The following ACSS3 variants were observed in gnomAD, a reference collection of about 807,000 sequenced individuals.
ACSS3 encodes acyl-CoA synthetase short chain family member 3, also known as acyl-CoA synthetase short-chain family member 3, mitochondrial.
ACSS3 carries 64 observed loss-of-function variants against 84.2 expected under a neutral mutation model. The observed-to-expected ratio is 0.76, with a 90% CI of 0.62 to 0.94. ACSS3 has a LOEUF of 0.94. Ranked by LOEUF, ACSS3 falls within the 40% of genes least tolerant of loss-of-function variation. The pLI, the probability that ACSS3 is intolerant of heterozygous loss-of-function variation, is 0.00. For synonymous variants in ACSS3, 317 were observed against 310.1 expected (o/e 1.02, Z -0.23); for missense variants, 815 against 867.6 (o/e 0.94, Z 0.76).
intron 7 of ACSS3, among the ~76,000 whole-genome samples, chr12:81,156,271 G>A (rs1301449059): frequency 6.6e-6 from 1 of 150,858 alleles, no homozygotes; most frequent in African/African-American, 2.4e-5. Context: ...GAAAAAGAAA[G>A]TACATCATAT....
chr12:81,215,006 T>C (rs2032850685), intron 9 of ACSS3, among the ~76,000 whole-genome samples: 1 of 152,206 alleles, frequency 6.6e-6, no homozygotes, highest in South Asian at 2.1e-4. Context: ...TTTAAGCACC[T>C]CACTCTACAA....
intron 5 of ACSS3, among the ~76,000 whole-genome samples, chr12:81,144,470 G>A (rs11612875): frequency 0.092 from 14,062 of 152,050 alleles, 720 homozygotes; most frequent in East Asian, 0.21. Flanking sequence ...TAATCTGCTC[G>A]ACATAATTCT....
intron 2 of ACSS3, 75 bp from the exon 3 acceptor site, chr12:81,134,741 A>G: frequency 7.5e-7 from 1 of 1,332,030 alleles, no homozygotes; most frequent in East Asian, 2.6e-5. Flanking sequence ...TCAGCTTCTA[A>G]TATTACTGCC....
At chr12:81,128,367 G>T (rs1172761843) in intron 2 of ACSS3, among the ~76,000 whole-genome samples, 1 of 152,108 alleles carries the variant, frequency 6.6e-6, no homozygotes, top group East Asian at 1.9e-4. Context: ...CTAATTTCTA[G>T]TGGGAAGAGT....
chr12:81,251,155 A>T (rs376399194), intron 13 of ACSS3, among the ~76,000 whole-genome samples: 1 of 152,156 alleles, frequency 6.6e-6, no homozygotes, highest in East Asian at 1.9e-4. Context: ...GAGTGATTCC[A>T]ATTATAACAT....
chr12:81,107,548 AT>A (rs1883162589), intron 1 of ACSS3, among the ~76,000 whole-genome samples: 1 of 115,966 alleles, frequency 8.6e-6, no homozygotes, highest in African/African-American at 3.6e-5. Context: ...ATATATATAT[AT>A]ATATATATAT....
intron 1 of ACSS3, among the ~76,000 whole-genome samples, chr12:81,095,565 G>C (rs1428758431): frequency 2.0e-5 from 3 of 152,046 alleles, no homozygotes; most frequent in Non-Finnish European, 4.4e-5. Flanking sequence ...TTACTGTCAG[G>C]CATGACTCAC....
intron 5 of ACSS3, among the ~76,000 whole-genome samples, chr12:81,146,020 C>A (rs1886323113): frequency 6.6e-6 from 1 of 152,120 alleles, no homozygotes; most frequent in Admixed American, 6.5e-5. Context: ...TACCAACAGA[C>A]CTTCATGGCA....
intron 3 of ACSS3, among the ~76,000 whole-genome samples, chr12:81,135,873 C>T (rs1002825026): frequency 6.6e-6 from 1 of 152,030 alleles, no homozygotes; most frequent in Non-Finnish European, 1.5e-5. Flanking sequence ...TGCTAGGTGC[C>T]TTGGGGAATA....
At chr12:81,209,106 A>AT (rs1206404487) in intron 9 of ACSS3, among the ~76,000 whole-genome samples, 1 of 151,530 alleles carries the variant, frequency 6.6e-6, no homozygotes, top group East Asian at 1.9e-4. Context: ...TTTGCTACTT[A>AT]TTTTTTTTAG....
chr12:81,222,576 T>C (rs1193296673), intron 11 of ACSS3, among the ~76,000 whole-genome samples: 2 of 152,116 alleles, frequency 1.3e-5, no homozygotes, highest in Non-Finnish European at 2.9e-5. Flanking sequence ...ACATTTCACA[T>C]TATAGATCTT....
intron 1 of ACSS3, among the ~76,000 whole-genome samples, chr12:81,102,745 C>T (rs1259776150): frequency 1.3e-5 from 2 of 151,652 alleles, no homozygotes; most frequent in Non-Finnish European, 2.9e-5. Flanking sequence ...AGGAGAACTG[C>T]TTGAGCCTGG....
At chr12:81,135,493 C>G (rs957060886) in intron 3 of ACSS3, among the ~76,000 whole-genome samples, 4 of 148,648 alleles carry the variant, frequency 2.7e-5, no homozygotes, top group Non-Finnish European at 5.9e-5. Context: ...CCATGGAATA[C>G]TTCTCAGCCA....
chr12:81,177,978 G>A (rs2030618440), intron 8 of ACSS3, among the ~76,000 whole-genome samples: 1 of 152,100 alleles, frequency 6.6e-6, no homozygotes, highest in African/African-American at 2.4e-5. Context: ...ATACCCAAAG[G>A]ACTATAAATC....
intron 7 of ACSS3, among the ~76,000 whole-genome samples, chr12:81,170,743 GA>G: frequency 6.6e-6 from 1 of 152,186 alleles, no homozygotes; most frequent in Non-Finnish European, 1.5e-5. Flanking sequence ...TCCCCTTAAT[GA>G]AAACCAAGTT....
chr12:81,197,671 A>G (rs968845000), intron 8 of ACSS3, among the ~76,000 whole-genome samples: 11 of 152,120 alleles, frequency 7.2e-5, no homozygotes, highest in Non-Finnish European at 1.5e-4. Context: ...AAACACTATC[A>G]TCCTTCAGAA....
intron 2 of ACSS3, among the ~76,000 whole-genome samples, chr12:81,114,801 A>G (rs1200575235): frequency 6.6e-6 from 1 of 152,016 alleles, no homozygotes; most frequent in Non-Finnish European, 1.5e-5. Context: ...CAGATAGGAG[A>G]ACAGATCACA....
At chr12:81,216,102 G>T (rs1173275305) in intron 9 of ACSS3, among the ~76,000 whole-genome samples, 8 of 151,556 alleles carry the variant, frequency 5.3e-5, no homozygotes, top group African/African-American at 1.9e-4. Context: ...GGAAATTAGA[G>T]CATGATATTA....
chr12:81,207,800 T>C (rs754749341), intron 9 of ACSS3, among the ~76,000 whole-genome samples: 9 of 152,096 alleles, frequency 5.9e-5, no homozygotes, highest in Non-Finnish European at 1.0e-4. Flanking sequence ...CCATAGCTTT[T>C]ATCTCATGCC....
Sources: allele counts gnomAD v4.1 joint callset (sites outside exome capture counted in the v4.1 genomes callset), GRCh38; gene constraint gnomAD v4.1.1; transcripts MANE v1.5; gene names NCBI Gene and HGNC (gene_info 2026-07-23, HGNC 2026-07-21).